The following NAV2 variants were observed in gnomAD, a reference collection of about 807,000 sequenced individuals.
NAV2 encodes the protein helicase, APC down-regulated 1.
In NAV2, 54 loss-of-function variants were observed where a neutral mutation model predicts 223.2. The ratio of observed to expected loss-of-function variants is 0.24; its 90% CI spans 0.19 to 0.30. The LOEUF is 0.30. Among genes scored for constraint, NAV2 ranks in the 10% least tolerant of loss-of-function variants. NAV2 has a pLI of 1.00. For missense variants in NAV2, 2,806 were observed against 3,147.5 expected, an observed-to-expected ratio of 0.89 and a Z score of 2.60; for synonymous variants, 1,279 against 1,239.3, an observed-to-expected ratio of 1.03 and a Z score of -0.67.
Position 20,058,244 on chromosome 11 carries a change from A to G in NAV2, c.4831+2287A>G, listed in dbSNP as rs528501751. Among the ~76,000 whole-genome samples, 88 of 152,348 alleles carry G rather than the reference A, an allele frequency of 5.8e-4. 1 individual carries two copies. The highest frequency in any genetic ancestry group is 2.1e-3 in the African/African-American group (86 of 41,584). On this transcript the variant is annotated intron_variant, in intron 19 of 37. Coordinates refer to ENST00000349880, the MANE Select transcript of NAV2 (RefSeq NM_145117.5). ...CTTGTAATAATCAGTTAGGTGTATT[A>G]TACGCCATAAAGCAGAATAGAAATT...
intron 1 of NAV2, among the ~76,000 whole-genome samples, chr11:19,729,445 T>C (rs2051546039): frequency 1.3e-5 from 2 of 152,212 alleles, no homozygotes; most frequent in Non-Finnish European, 2.9e-5. Flanking sequence ...AAGGGTTTAC[T>C]GAGAATCCTG....
chr11:19,695,560 T>C (rs1490799935), intron 1 of NAV2, among the ~76,000 whole-genome samples: 1 of 152,192 alleles, frequency 6.6e-6, no homozygotes, highest in Non-Finnish European at 1.5e-5. Flanking sequence ...TGTTCCTTAT[T>C]GTCATAAAGA....
intron 1 of NAV2, among the ~76,000 whole-genome samples, chr11:19,551,153 C>A (rs542291696): frequency 6.6e-6 from 1 of 152,244 alleles, no homozygotes; most frequent in South Asian, 2.1e-4. Context: ...AAGCCAAGAA[C>A]CCTTGCAAGC....
Position 20,118,310 on chromosome 11 carries a change from C to T in NAV2, c.*52C>T, listed in dbSNP as rs2063302278. ...TCTTCTCCTCACCGCATTCCACCTG[C>T]ATCCCCCACATCACCCTGAAGATGA... On this transcript the variant is annotated 3_prime_UTR_variant, in exon 38 of 38. Coordinates refer to ENST00000349880, the MANE Select transcript of NAV2 (RefSeq NM_145117.5). 1 of 1,595,526 alleles carries T rather than the reference C, an allele frequency of 6.3e-7. No homozygotes were observed. Among genetic ancestry groups the T allele is most frequent in the East Asian group, 2.2e-5 (1 of 44,690 alleles).
chr11:20,048,330 C>T (rs367784741), intron 14 of NAV2, among the ~76,000 whole-genome samples: 2 of 152,196 alleles, frequency 1.3e-5, no homozygotes, highest in African/African-American at 4.8e-5. Context: ...CTGCTTTATG[C>T]CTGGGGCCGC....
At chr11:19,522,528 C>A (rs1434970427) in intron 1 of NAV2, among the ~76,000 whole-genome samples, 1 of 152,158 alleles carries the variant, frequency 6.6e-6, no homozygotes, top group Non-Finnish European at 1.5e-5. Flanking sequence ...CCGGGGGTAT[C>A]CAGAGTGCCC....
At chr11:19,779,782 T>G (rs2056594802) in intron 1 of NAV2, among the ~76,000 whole-genome samples, 1 of 152,276 alleles carries the variant, frequency 6.6e-6, no homozygotes, top group Non-Finnish European at 1.5e-5. Flanking sequence ...GTCCCCACTC[T>G]ACGTTGTACT....
intron 1 of NAV2, among the ~76,000 whole-genome samples, chr11:19,429,779 G>A (rs1850976617): frequency 6.6e-6 from 1 of 152,176 alleles, no homozygotes; most frequent in South Asian, 2.1e-4. Context: ...TAAGGTTTGG[G>A]AAGATTAAGT....
chr11:19,713,826 A>C lies in NAV2; in HGVS notation c.131A>C (p.Lys44Thr). The C allele has an allele frequency of 6.2e-7, 1 of 1,613,248 alleles. No homozygotes were observed. Among genetic ancestry groups the C allele is most frequent in the Non-Finnish European group, 8.5e-7 (1 of 1,179,808 alleles). Residue 44 changes from lysine (K) to threonine (T), a missense_variant, in exon 1 of 38, where the codon AAG (lysine) becomes ACG (threonine). Lys to Thr is a moderately conservative substitution (Grantham distance 78). Around this residue, in one of 4 missense-constraint regions of NAV2, gnomAD observed 1,167 missense variants for 1,180.5 expected, o/e 0.99. Coordinates refer to ENST00000349880, the MANE Select transcript of NAV2 (RefSeq NM_145117.5). The surrounding 1 kb of genome is among the most constrained non-coding windows in gnomAD (Gnocchi z 7.2). ...CCCTGCTACCTGAAGTTGGGAAGCA[A>C]GGTGGAGGTGAGCAAGACCACCTAT... ...PQPCYLKLGS[K>T]VEVSKTTYPS...
At chr11:19,653,902 T>A (rs2048043016) in intron 1 of NAV2, among the ~76,000 whole-genome samples, 1 of 152,160 alleles carries the variant, frequency 6.6e-6, no homozygotes, top group African/African-American at 2.4e-5. Context: ...CACACTCCCC[T>A]GGATGATCAG....
At chr11:19,833,077 A>G (rs778007025) in intron 2 of NAV2, among the ~76,000 whole-genome samples, 8 of 152,346 alleles carry the variant, frequency 5.3e-5, no homozygotes, top group Non-Finnish European at 1.2e-4. Flanking sequence ...GGTTAATACT[A>G]GGGGAAGGGA....
At chr11:19,950,459 T>C (rs2047294355) in intron 10 of NAV2, among the ~76,000 whole-genome samples, 1 of 152,262 alleles carries the variant, frequency 6.6e-6, no homozygotes, top group Non-Finnish European at 1.5e-5. Context: ...CGTAATAGTG[T>C]ACCATCTTGC....
chr11:20,005,255 T>TATA (rs1565747945), intron 11 of NAV2, among the ~76,000 whole-genome samples: 20 of 9,402 alleles, frequency 2.1e-3, no homozygotes, highest in African/African-American at 2.8e-3. Context: ...ATATATATAT[T>TATA]TTTTTTTTTT....
chr11:20,102,828 G>A (rs1437093534), intron 32 of NAV2, among the ~76,000 whole-genome samples: 4 of 152,130 alleles, frequency 2.6e-5, no homozygotes, highest in East Asian at 3.9e-4. Context: ...CCCCAAGCCC[G>A]GTGCATATAG....
At chr11:19,475,847 T>C (rs2042096426) in intron 1 of NAV2, among the ~76,000 whole-genome samples, 1 of 152,214 alleles carries the variant, frequency 6.6e-6, no homozygotes. Context: ...AACCAACAAC[T>C]TTTGTCGTGC....
At chr11:19,661,541 GTA>G (rs141770270) in intron 1 of NAV2, among the ~76,000 whole-genome samples, 130,890 of 151,960 alleles carry the variant, frequency 0.86, 57,534 homozygotes, top group Middle Eastern at 0.95. Flanking sequence ...ATAAGTGTTT[GTA>G]AAGACCAGAC....
chr11:19,474,333 G>A lies in NAV2; in HGVS notation c.75+123306G>A, dbSNP rs115286348. 9.0e-3 allele frequency among the ~76,000 whole-genome samples: 1,377 copies of A among 152,378 alleles called. 16 individuals are homozygous for A. Among genetic ancestry groups the A allele is most frequent in the African/African-American group, 0.03 (1,246 of 41,586 alleles). ...ATAGTGAGGCTGTATTTTGGGGCAT[G>A]TTAGAAAGACTGAGAAAGTTCTTGA... On this transcript the variant is annotated intron_variant, in intron 1 of 37. Coordinates refer to the NAV2 transcript ENST00000360655.
rs1590398911 is a variant in NAV2, at chr11:19,769,964, T to G, written c.267+56002T>G. 2.6e-5 allele frequency among the ~76,000 whole-genome samples: 4 copies of G among 152,050 alleles called. No homozygotes were observed. The South Asian group carries it at 8.4e-4, about 32-fold the overall frequency. On this transcript the variant is annotated intron_variant, in intron 1 of 37. Coordinates refer to ENST00000349880, the MANE Select transcript of NAV2 (RefSeq NM_145117.5). The stretch of plus-strand genomic sequence containing the variant: ...CCTAGTGACCAGAACTGGCCAAGAA[T>G]GAAAGGGCTGATCCCACAGGGAAAA...
intron 4 of NAV2, among the ~76,000 whole-genome samples, chr11:19,879,015 C>T (rs2063034422): frequency 1.3e-5 from 2 of 152,298 alleles, no homozygotes; most frequent in South Asian, 4.1e-4. Context: ...TCCCTTTCCT[C>T]TGTCCCTCAC....
Sources: allele counts gnomAD v4.1 joint callset (sites outside exome capture counted in the v4.1 genomes callset), GRCh38; gene constraint gnomAD v4.1.1; regional missense constraint gnomAD v4.1.1; non-coding constraint Gnocchi (gnomAD v3.1); transcripts MANE v1.5; gene names NCBI Gene and HGNC (gene_info 2026-07-23, HGNC 2026-07-21).